FRA10AC1: variants seen among roughly 807,000 people sequenced by gnomAD.
FRA10AC1 encodes protein FRA10AC1.
A neutral mutation model predicts 56.5 loss-of-function variants in FRA10AC1; 43 were observed. That is an observed-to-expected ratio of 0.76 (90% CI 0.60 to 0.98). The LOEUF (loss-of-function observed/expected upper bound fraction) is 0.98. FRA10AC1 is among the 50% of genes least tolerant of loss of function. FRA10AC1 has a pLI of 0.00. For synonymous variants in FRA10AC1, 112 were observed against 110.5 expected, an observed-to-expected ratio of 1.01 and a Z score of -0.09; for missense variants, 346 against 351.8, an observed-to-expected ratio of 0.98 and a Z score of 0.13.
At chr10:93,695,193 C>T (rs540042120) in intron 4 of FRA10AC1, among the ~76,000 whole-genome samples, 5 of 152,138 alleles carry the variant, frequency 3.3e-5, no homozygotes, top group African/African-American at 1.2e-4. Context: ...AAATATACCT[C>T]CATCTGGGGA....
Position 93,692,626 on chromosome 10 carries a change from C to G in FRA10AC1, c.380+20G>C, listed in dbSNP as rs73312804. The G allele has an allele frequency of 6.7e-7, 1 of 1,486,544 alleles. No individual in the cohort carries two copies. The highest frequency in any genetic ancestry group is 1.4e-5 in the African/African-American group (1 of 71,164). 92.1% of individuals were successfully genotyped at this position (1,486,544 alleles called of 1,614,324 possible). ...CAGGACTAAAGCATTTGATGCATTA[C>G]GCCTCTGATGGCTAATTACCAAGTC... On this transcript the variant is annotated intron_variant, in intron 6 of 13. Coordinates refer to ENST00000359204, the MANE Select transcript of FRA10AC1 (RefSeq NM_145246.5).
rs1246730343 is a variant in FRA10AC1, at chr10:93,668,910, A to G, written c.*916T>C. On this transcript the variant is annotated 3_prime_UTR_variant, in exon 14 of 14. Transcript: ENST00000359204. ...GGTATATTCATATTTGCATGAGTAT[A>G]TCTGAGGCAAGATACATGCACATAG... The G allele has an allele frequency of 1.3e-5, 2 of 152,164 alleles. No homozygotes were observed. Among genetic ancestry groups the G allele is most frequent in the Non-Finnish European group, 2.9e-5 (2 of 68,026 alleles). The allele number at this position is 152,164 out of a possible 1,614,324, so 9.4% of individuals were successfully genotyped here.
chr10:93,686,247 C>A (rs1164680505), intron 8 of FRA10AC1, among the ~76,000 whole-genome samples: 1 of 151,688 alleles, frequency 6.6e-6, no homozygotes, highest in South Asian at 2.1e-4. Context: ...AAACTCATTC[C>A]AAATGAATAT....
intron 4 of FRA10AC1, among the ~76,000 whole-genome samples, chr10:93,695,742 AAAAG>A (rs756408505): frequency 2.0e-5 from 3 of 152,094 alleles, no homozygotes; most frequent in Non-Finnish European, 4.4e-5. Flanking sequence ...GGAAAAAAAA[AAAAG>A]AGAGAGACAG....
At chr10:93,685,924 C>G (rs1056418047) in intron 8 of FRA10AC1, among the ~76,000 whole-genome samples, 3 of 151,784 alleles carry the variant, frequency 2.0e-5, no homozygotes, top group African/African-American at 7.2e-5. Flanking sequence ...AATACGCAGT[C>G]AAACCTGATA....
intron 10 of FRA10AC1, among the ~76,000 whole-genome samples, chr10:93,682,495 A>C (rs2058952475): frequency 6.6e-6 from 1 of 152,202 alleles, no homozygotes; most frequent in African/African-American, 2.4e-5. Flanking sequence ...GGTTTAGGCT[A>C]TTCCAGTAAT....
intron 12 of FRA10AC1, 110 bp downstream of exon 12, chr10:93,676,543 T>A: frequency 5.0e-6 from 7 of 1,390,296 alleles, no homozygotes; most frequent in Non-Finnish European, 6.6e-6. Context: ...ACAAAAATAA[T>A]TAACAAAAAC....
intron 8 of FRA10AC1, 69 bp from the exon 9 acceptor site, chr10:93,685,428 C>G (rs2059009777): frequency 4.2e-6 from 3 of 718,846 alleles, no homozygotes; most frequent in African/African-American, 1.9e-5. Flanking sequence ...TCTAGTATTA[C>G]CCCTAAAATG....
At chr10:93,680,199 C>T (rs1220374466) in intron 11 of FRA10AC1, among the ~76,000 whole-genome samples, 1 of 152,078 alleles carries the variant, frequency 6.6e-6, no homozygotes, top group African/African-American at 2.4e-5. Context: ...TAAGAATGAA[C>T]ATATAATACA....
chr10:93,693,933 G>T, intron 5 of FRA10AC1, among the ~76,000 whole-genome samples: 1 of 151,806 alleles, frequency 6.6e-6, no homozygotes, highest in Non-Finnish European at 1.5e-5. Context: ...GTGGGGGAAG[G>T]CCAGAAGGGA....
At chr10:93,670,916 A>G (rs140290510) in intron 12 of FRA10AC1, 68 bp from the exon 13 acceptor site, 1 of 1,004,168 alleles carries the variant, frequency 1.0e-6, no homozygotes, top group Admixed American at 2.0e-5. Flanking sequence ...ATTATTCGCC[A>G]ATACAATTAA....
chr10:93,673,200 C>T, intron 12 of FRA10AC1: 1 of 380,276 alleles, frequency 2.6e-6, no homozygotes, highest in Non-Finnish European at 5.1e-6. Flanking sequence ...TAAATTAAGG[C>T]AAAAATCTGT....
intron 5 of FRA10AC1, among the ~76,000 whole-genome samples, chr10:93,693,511 C>A (rs1256333509): frequency 1.6e-4 from 3 of 18,822 alleles, no homozygotes; most frequent in Admixed American, 5.3e-4. Flanking sequence ...TATATATACA[C>A]CATATATATA....
chr10:93,670,469 A>G (rs1411830279), intron 13 of FRA10AC1, among the ~76,000 whole-genome samples: 1 of 152,168 alleles, frequency 6.6e-6, no homozygotes, highest in Non-Finnish European at 1.5e-5. Context: ...TGATAATCAC[A>G]GTATGATGGA....
chr10:93,678,464 T>C (rs1045058715), intron 11 of FRA10AC1, among the ~76,000 whole-genome samples: 5 of 152,092 alleles, frequency 3.3e-5, no homozygotes, highest in Admixed American at 3.3e-4. Flanking sequence ...AGAGAGAAAC[T>C]AGAGAAATCT....
At chr10:93,689,050 T>G (rs922175296) in intron 7 of FRA10AC1, among the ~76,000 whole-genome samples, 4 of 129,328 alleles carry the variant, frequency 3.1e-5, no homozygotes, top group African/African-American at 1.2e-4. Flanking sequence ...TAACTTCAGT[T>G]TGTTGTGGGG....
Position 93,669,734 on chromosome 10 carries a change from G to T in FRA10AC1, c.*92C>A. On this transcript the variant is annotated 3_prime_UTR_variant, in exon 14 of 14. Coordinates refer to ENST00000359204, the MANE Select transcript of FRA10AC1 (RefSeq NM_145246.5). ...AGACAAACCACACAAGCTGTAACTT[G>T]CAGATAAAAACTTATATGGAATTTC... 1 of 794,326 alleles carries T rather than the reference G, an allele frequency of 1.3e-6. No homozygotes were observed. Among genetic ancestry groups the T allele is most frequent in the Non-Finnish European group, 2.1e-6 (1 of 486,082 alleles). The allele number at this position is 794,326 out of a possible 1,614,324, so 49.2% of individuals were successfully genotyped here.
At chr10:93,699,053 C>T (rs530065455) in intron 2 of FRA10AC1, among the ~76,000 whole-genome samples, 2 of 152,228 alleles carry the variant, frequency 1.3e-5, no homozygotes, top group African/African-American at 4.8e-5. Flanking sequence ...AATTCTTCTT[C>T]CGATGTGGCC....
At chr10:93,683,941 A>T (rs2058979619) in intron 10 of FRA10AC1, 115 bp downstream of exon 10, 3 of 711,038 alleles carry the variant, frequency 4.2e-6, no homozygotes. Context: ...CATTTTCTAC[A>T]TGATCAACCA....
Sources: allele counts gnomAD v4.1 joint callset (sites outside exome capture counted in the v4.1 genomes callset), GRCh38; gene constraint gnomAD v4.1.1; transcripts MANE v1.5; gene names NCBI Gene and HGNC (gene_info 2026-07-23, HGNC 2026-07-21).